The following RBFOX1 variants were observed in gnomAD, a reference collection of about 807,000 sequenced individuals.
RBFOX1 encodes RNA binding protein fox-1 homolog 1.
Under a neutral mutation model 57.7 loss-of-function variants are expected in RBFOX1, and 8 were observed. The ratio of observed to expected loss-of-function variants is 0.14; its 90% confidence interval spans 0.08 to 0.25. RBFOX1 has a LOEUF of 0.25. Among genes scored for constraint, RBFOX1 ranks in the 10% least tolerant of loss-of-function variants. The pLI, the probability that RBFOX1 is intolerant of heterozygous loss-of-function variation, is 1.00. For synonymous variants in RBFOX1, 326 were observed against 222.4 expected (o/e 1.47, Z -4.15); for missense variants, 611 against 548.5 (o/e 1.11, Z -1.14).
At chr16:5,548,195 A>G (rs962572956) in intron 2 of RBFOX1, among the ~76,000 whole-genome samples, 7 of 136,190 alleles carry the variant, frequency 5.1e-5, no homozygotes, top group Non-Finnish European at 8.0e-5. Context: ...ATATATATAT[A>G]TATATATATA....
chr16:7,460,385 A>ATGTG (rs1260294811), intron 4 of RBFOX1, among the ~76,000 whole-genome samples: 2 of 82,572 alleles, frequency 2.4e-5, no homozygotes, highest in African/African-American at 1.5e-4. Context: ...ATATATATAT[A>ATGTG]TATATGTGTG....
intron 4 of RBFOX1, among the ~76,000 whole-genome samples, chr16:7,107,860 C>T (rs1455442327): frequency 6.6e-6 from 1 of 152,080 alleles, no homozygotes; most frequent in Non-Finnish European, 1.5e-5. Context: ...GTTTTCTCTA[C>T]CCGTGGTCTA....
chr16:5,940,628 G>T (rs1237897772), intron 4 of RBFOX1, among the ~76,000 whole-genome samples: 1 of 152,190 alleles, frequency 6.6e-6, no homozygotes, highest in Non-Finnish European at 1.5e-5. Flanking sequence ...ACTCCTTCAG[G>T]AAGCAATTAA....
chr16:5,321,610 C>T (rs1253690473), intron 1 of RBFOX1, among the ~76,000 whole-genome samples: 2 of 152,132 alleles, frequency 1.3e-5, no homozygotes, highest in Non-Finnish European at 2.9e-5. Context: ...AGCCACAGCG[C>T]CTGGCCAAGA....
chr16:7,381,402 A>G (rs2097779965), intron 4 of RBFOX1, among the ~76,000 whole-genome samples: 1 of 152,230 alleles, frequency 6.6e-6, no homozygotes, highest in Admixed American at 6.5e-5. Flanking sequence ...CCTTAAACAC[A>G]TACCTAATTC....
intron 3 of RBFOX1, among the ~76,000 whole-genome samples, chr16:6,873,009 A>T (rs2061213403): frequency 6.6e-6 from 1 of 152,150 alleles, no homozygotes; most frequent in Non-Finnish European, 1.5e-5. Flanking sequence ...TATAAAGATA[A>T]TTAGATATAC....
chr16:6,099,170 T>A (rs1026567757), intron 1 of RBFOX1, among the ~76,000 whole-genome samples: 21 of 152,160 alleles, frequency 1.4e-4, no homozygotes, highest in African/African-American at 5.1e-4. Flanking sequence ...CCTGGGGGAA[T>A]GGATAACTCC....
chr16:6,394,607 T>C (rs2092743927), intron 2 of RBFOX1, among the ~76,000 whole-genome samples: 1 of 151,806 alleles, frequency 6.6e-6, no homozygotes, highest in Admixed American at 6.6e-5. Context: ...AAAGTAACTT[T>C]CCTGGATAAA....
intron 3 of RBFOX1, among the ~76,000 whole-genome samples, chr16:5,761,631 A>T (rs1008205165): frequency 6.6e-6 from 1 of 152,204 alleles, no homozygotes; most frequent in Admixed American, 6.5e-5. Flanking sequence ...TCACAAGAAC[A>T]ACATGAGGGT....
At chr16:5,408,947 C>T (rs576683389) in intron 1 of RBFOX1, among the ~76,000 whole-genome samples, 2 of 152,360 alleles carry the variant, frequency 1.3e-5, no homozygotes, top group East Asian at 3.9e-4. Context: ...CCACCAGGCC[C>T]TACCTCTAAT....
At chr16:5,439,235 G>C (rs773077204) in intron 1 of RBFOX1, among the ~76,000 whole-genome samples, 6 of 152,206 alleles carry the variant, frequency 3.9e-5, no homozygotes, top group South Asian at 2.1e-4. Context: ...ATTCCAGGAA[G>C]GGATAGAATC....
chr16:7,049,717 C>T (rs991331014), intron 3 of RBFOX1, among the ~76,000 whole-genome samples: 1 of 152,056 alleles, frequency 6.6e-6, no homozygotes, highest in East Asian at 1.9e-4. Context: ...TTTTAATTTT[C>T]AGAGATCTCA....
intron 4 of RBFOX1, among the ~76,000 whole-genome samples, chr16:7,139,877 G>C (rs1418404642): frequency 6.6e-6 from 1 of 152,070 alleles, no homozygotes; most frequent in East Asian, 1.9e-4. Context: ...AGACCCTTAG[G>C]ATGGGGTGAG....
chr16:7,631,165 T>TGAG (rs3837772), intron 11 of RBFOX1, among the ~76,000 whole-genome samples: 83,926 of 150,048 alleles, frequency 0.56, 24,223 homozygotes, highest in East Asian at 0.74. Flanking sequence ...GTAATTCCAA[T>TGAG]GAGGAGGAGG....
intron 2 of RBFOX1, among the ~76,000 whole-genome samples, chr16:6,322,863 TAG>T (rs1441960346): frequency 2.6e-5 from 4 of 152,204 alleles, no homozygotes; most frequent in Non-Finnish European, 5.9e-5. Flanking sequence ...CAGCTGCATT[TAG>T]AGTCTGTGGT....
chr16:5,830,228 G>A (rs60015368), intron 3 of RBFOX1, among the ~76,000 whole-genome samples: 11,465 of 152,006 alleles, frequency 0.075, 1,104 homozygotes, highest in African/African-American at 0.22. Flanking sequence ...GCAGAATTAG[G>A]AAAACCCTCC....
chr16:5,956,735 C>T (rs1191040272), intron 4 of RBFOX1, among the ~76,000 whole-genome samples: 3 of 145,200 alleles, frequency 2.1e-5, no homozygotes, highest in Non-Finnish European at 3.0e-5. Flanking sequence ...CTGGCACAAT[C>T]ATGGCTCACT....
At chr16:7,627,089 A>G (rs2060185625) in intron 10 of RBFOX1, among the ~76,000 whole-genome samples, 1 of 147,308 alleles carries the variant, frequency 6.8e-6, no homozygotes, top group Non-Finnish European at 1.5e-5. Flanking sequence ...CTTTTAAACT[A>G]TGTTGGAGGA....
intron 2 of RBFOX1, among the ~76,000 whole-genome samples, chr16:6,405,679 A>G (rs2093254598): frequency 6.6e-6 from 1 of 152,198 alleles, no homozygotes; most frequent in African/African-American, 2.4e-5. Flanking sequence ...TATCTAACAC[A>G]AGGGTCCAAG....
Sources: gnomAD v4.1 joint callset for allele counts (sites outside exome capture counted in the v4.1 genomes callset) on GRCh38, gnomAD v4.1.1 for gene constraint, MANE v1.5 for transcripts, NCBI Gene and HGNC (gene_info 2026-07-23, HGNC 2026-07-21) for gene names.